Variants in LOXHD1 observed in about 807,000 individuals in gnomAD.
LOXHD1 encodes lipoxygenase homology domain-containing protein 1.
In LOXHD1, 205 loss-of-function variants were observed where a neutral mutation model predicts 248.2. The ratio of observed to expected loss-of-function variants is 0.83; its 90% CI spans 0.74 to 0.93. The LOEUF (loss-of-function observed/expected upper bound fraction) is 0.93, where lower values mean the gene tolerates loss of function less well. Ranked by LOEUF, LOXHD1 falls within the 40% of genes least tolerant of loss-of-function variation. The pLI is 0.00. For missense variants in LOXHD1, 2,930 were observed against 2,971.6 expected (o/e 0.99, Z 0.33); for synonymous variants, 1,113 against 1,162.8 (o/e 0.96, Z 0.87).
chr18:46,602,431 C>G (rs1009420038), intron 7 of LOXHD1, among the ~76,000 whole-genome samples: 1 of 151,980 alleles, frequency 6.6e-6, no homozygotes, highest in Non-Finnish European at 1.5e-5. Context: ...GTCTCGAACC[C>G]CTGGCCTCAA....
chr18:46,646,937 A>G (rs933755315), intron 2 of LOXHD1, among the ~76,000 whole-genome samples: 1 of 152,132 alleles, frequency 6.6e-6, no homozygotes, highest in Non-Finnish European at 1.5e-5. Context: ...TCACTCCTCG[A>G]AGCCCCTCTC....
Position 46,505,886 on chromosome 18 carries a change from G to A in LOXHD1, c.5830C>T (p.Leu1944=), listed in dbSNP as rs958924506. The stretch of plus-strand genomic sequence containing the variant: ...AGCTTGCAGAGGTGGCCCAAGCTCA[G>A]CATGTCAGGGAAGTTGAATGTGTCC... ...NTDTFNFPDM[L]SLGHLCKLRV... The change falls in exon 37 of 41, where the codon CTG becomes TTG. Residue 1944 remains leucine (L), a synonymous_variant. Transcript: ENST00000642948. 1 of 1,551,784 alleles carries A rather than the reference G, an allele frequency of 6.4e-7. No individual in the cohort carries two copies. Among genetic ancestry groups the A allele is most frequent in the Non-Finnish European group, 8.7e-7 (1 of 1,146,996 alleles).
chr18:46,522,256 C>T lies in LOXHD1; in HGVS notation c.4930G>A (p.Asp1644Asn). 6.4e-7 allele frequency: 1 copy of T among 1,551,844 alleles called. No homozygotes were observed. Among genetic ancestry groups the T allele is most frequent in the Non-Finnish European group, 8.7e-7 (1 of 1,147,020 alleles). ...TTGKHKDAAT[D>N]SRAFIFLIGE... ...ATGAGAAAGATGAAGGCTCGGCTGT[C>T]AGTGGCCGCGTCCTTGTGCTTCCCA... is the stretch of plus-strand genomic sequence containing the variant. Residue 1644 changes from aspartate to asparagine, a missense_variant, in exon 32 of 41, where the codon GAC (aspartate) becomes AAC (asparagine). Transcript: ENST00000642948.
At chr18:46,621,727 G>A (rs1424874184) in intron 4 of LOXHD1, among the ~76,000 whole-genome samples, 2 of 151,798 alleles carry the variant, frequency 1.3e-5, no homozygotes, top group Non-Finnish European at 2.9e-5. Flanking sequence ...AGAGAAAGGT[G>A]AAAGACCAAT....
chr18:46,632,959 A>G (rs376129123), intron 4 of LOXHD1, among the ~76,000 whole-genome samples: 1 of 152,206 alleles, frequency 6.6e-6, no homozygotes, highest in Non-Finnish European at 1.5e-5. Flanking sequence ...TCACATGGGG[A>G]TGAGTCAAGA....
rs185160232 is a variant in LOXHD1, at chr18:46,597,743, T to A, written c.1135-3277A>T. On this transcript the variant is annotated intron_variant, in intron 8 of 40. Coordinates refer to ENST00000642948, the MANE Select transcript of LOXHD1 (RefSeq NM_001384474.1). Reference sequence around the variant, plus strand: ...AGGAATAAGGGGCCAATGCTACTCATGAACATAGAAAAATTCTTTTTTTTT... The same window carrying A: ...AGGAATAAGGGGCCAATGCTACTCAAGAACATAGAAAAATTCTTTTTTTTT... Among the ~76,000 whole-genome samples, 93 of 152,006 alleles carry A rather than the reference T, an allele frequency of 6.1e-4. 1 individual carries two copies. Among genetic ancestry groups the A allele is most frequent in the South Asian group, 1.7e-3 (8 of 4,822 alleles).
In LOXHD1 at chr18:46,509,827, G is replaced by C; in HGVS notation, c.5400-12C>G. On this transcript the variant is annotated splice_polypyrimidine_tract_variant and intron_variant, in intron 34 of 40. Transcript: ENST00000642948. ...GCTCCCGCTCAAACCTGGGGGTGGAGAGGAGGGGCATGAAGAAGGGAAGCT... is the reference window on the plus strand; with the variant it reads ...GCTCCCGCTCAAACCTGGGGGTGGACAGGAGGGGCATGAAGAAGGGAAGCT... 2.7e-6 allele frequency: 4 copies of C among 1,470,396 alleles called. No individual in the cohort carries two copies. Among genetic ancestry groups the C allele is most frequent in the Non-Finnish European group, 3.7e-6 (4 of 1,089,812 alleles). The allele number at this position is 1,470,396 out of a possible 1,614,324, so 91.1% of individuals were successfully genotyped here. A position where few individuals can be genotyped will look rare whatever the true frequency, so the allele number is the denominator to read the frequency against.
intron 2 of LOXHD1, among the ~76,000 whole-genome samples, chr18:46,646,029 G>A (rs2039025072): frequency 1.3e-5 from 2 of 152,238 alleles, no homozygotes; most frequent in African/African-American, 4.8e-5. Flanking sequence ...GCTGCAGTGT[G>A]AACTCTCTCT....
intron 20 of LOXHD1, 113 bp from the exon 21 acceptor site, chr18:46,557,602 C>G: frequency 7.9e-7 from 1 of 1,265,830 alleles, no homozygotes; most frequent in East Asian, 2.5e-5. Context: ...TGGTGAGACC[C>G]AAAGCAACCA....
At position 46,521,143 on chromosome 18, in the gene LOXHD1, C is replaced by T. The variant is rs1248383250; in HGVS notation, c.5225G>A (p.Arg1742His). ...AKDRGDGITS[R>H]VFDLLDAMVV... Reference sequence around the variant, plus strand: ...CATGGCATCCAAGAGGTCGAAGACACGGGAGGTGATGCCGTCGCCTCTGTC... The same window carrying T: ...CATGGCATCCAAGAGGTCGAAGACATGGGAGGTGATGCCGTCGCCTCTGTC... Residue 1742 changes from arginine (R) to histidine (H), a missense_variant, in exon 33 of 41, where the codon CGT (arginine) becomes CAT (histidine). Physicochemically the swap from Arg to His is conservative, Grantham distance 29. Transcript: ENST00000642948. The T allele has an allele frequency of 9.7e-6, 15 of 1,551,584 alleles. No homozygotes were observed. In the East Asian group the frequency reaches 1.2e-4, roughly 13 times the overall value.
intron 26 of LOXHD1, among the ~76,000 whole-genome samples, chr18:46,535,113 G>C (rs374120833): frequency 2.6e-5 from 4 of 151,910 alleles, no homozygotes; most frequent in African/African-American, 9.7e-5. Flanking sequence ...TTGCATAGTG[G>C]AGCCCCTCCT....
At chr18:46,530,289 C>T (rs376468908) in intron 28 of LOXHD1, among the ~76,000 whole-genome samples, 2 of 152,124 alleles carry the variant, frequency 1.3e-5, no homozygotes, top group Non-Finnish European at 2.9e-5. Context: ...CGGGAGTATT[C>T]GTGGGCCACA....
In LOXHD1 at chr18:46,546,923, G is replaced by A. The variant is rs1284977751; in HGVS notation, c.3486C>T (p.Pro1162=). ...TCTGCTCCAGGGCCAGGTTGTCGAG[G>A]GGGTTGTTGTCACCGCCTCCCCTAC... The part of the protein sequence containing the change: ...EEGRGGGDNN[P]LDNLALEQKD... Residue 1162 remains proline (P), a synonymous_variant, in exon 22 of 41, where the codon CCC becomes CCT. Coordinates refer to ENST00000642948, the MANE Select transcript of LOXHD1 (RefSeq NM_001384474.1). 16 of 1,551,244 alleles carry A rather than the reference G, an allele frequency of 1.0e-5. 1 individual carries two copies. In the South Asian group the frequency reaches 1.8e-4, roughly 17 times the overall value.
rs989880732 is a variant in LOXHD1 at position 46,559,727 on chromosome 18, C to T, written c.3062-125G>A. On this transcript the variant is annotated intron_variant, in intron 19 of 40. Transcript: ENST00000642948. ...GGATCTTCAGATGCATCTACACTAACCTGGGACTGAAACTGCCCACACTCC... is the reference window on the plus strand; with the variant it reads ...GGATCTTCAGATGCATCTACACTAATCTGGGACTGAAACTGCCCACACTCC... 1.2e-5 allele frequency: 13 copies of T among 1,119,152 alleles called. No homozygotes were observed. The Admixed American group carries it at 2.6e-4, about 23-fold the overall frequency. 69.3% of individuals were successfully genotyped at this position (1,119,152 alleles called of 1,614,324 possible).
chr18:46,498,276 G>C (rs1049480647), intron 37 of LOXHD1, among the ~76,000 whole-genome samples: 5 of 152,174 alleles, frequency 3.3e-5, no homozygotes, highest in African/African-American at 7.2e-5. Context: ...CTCTGATATG[G>C]TGAGATTAAT....
chr18:46,595,319 T>G (rs1653435537), intron 8 of LOXHD1, among the ~76,000 whole-genome samples: 1 of 152,134 alleles, frequency 6.6e-6, no homozygotes, highest in African/African-American at 2.4e-5. Context: ...TGCTAAGAGA[T>G]GGTGGGAGGG....
At chr18:46,541,487 CTA>C (rs2036555047) in intron 25 of LOXHD1, among the ~76,000 whole-genome samples, 1 of 152,196 alleles carries the variant, frequency 6.6e-6, no homozygotes, top group South Asian at 2.1e-4. Context: ...ATTATTATCT[CTA>C]TGCTGCAGAT....
chr18:46,517,294 T>C (rs2035305631), intron 34 of LOXHD1, among the ~76,000 whole-genome samples: 1 of 152,086 alleles, frequency 6.6e-6, no homozygotes, highest in African/African-American at 2.4e-5. Flanking sequence ...AGGGCCATCT[T>C]TAATGTCATT....
chr18:46,546,948 C>T lies in LOXHD1; in HGVS notation c.3461G>A (p.Gly1154Asp), dbSNP rs727503142. The T allele has an allele frequency of 7.1e-6, 11 of 1,551,506 alleles. No homozygotes were observed. The African/African-American group carries it at 1.4e-4, about 19-fold the overall frequency. Residue 1154 changes from glycine (G) to aspartate (D), a missense_variant, in exon 22 of 41, where the codon GGT becomes GAT. Physicochemically the swap from Gly to Asp is moderately conservative, Grantham distance 94. Coordinates refer to ENST00000642948, the MANE Select transcript of LOXHD1 (RefSeq NM_001384474.1). Reference protein sequence around the residue: ...ESYVLPQSEEGRGGGDNNPLD... With the variant: ...ESYVLPQSEEDRGGGDNNPLD... ...GGGGTTGTTGTCACCGCCTCCCCTA[C>T]CCTCCTCGCTCTGTGGCAGCACATA... is the stretch of plus-strand genomic sequence containing the variant.
Sources: allele counts gnomAD v4.1 joint callset (sites outside exome capture counted in the v4.1 genomes callset), GRCh38; gene constraint gnomAD v4.1.1; transcripts MANE v1.5; gene names NCBI Gene and HGNC (gene_info 2026-07-23, HGNC 2026-07-21).